The following PIEZO2 variants were observed in gnomAD, a reference collection of about 807,000 sequenced individuals.
PIEZO2 encodes piezo-type mechanosensitive ion channel component 2.
In PIEZO2, 172 loss-of-function variants were observed where a neutral mutation model predicts 337.3. That is an observed-to-expected ratio of 0.51 (90% CI 0.45 to 0.58). The LOEUF (loss-of-function observed/expected upper bound fraction) is 0.58, where lower values mean the gene tolerates loss of function less well. Ranked by LOEUF, PIEZO2 falls within the 20% of genes least tolerant of loss-of-function variation. The pLI is 0.00. For synonymous variants in PIEZO2, 1,251 were observed against 1,228.5 expected (o/e 1.02, Z -0.38); for missense variants, 3,028 against 3,391.3 (o/e 0.89, Z 2.66).
chr18:10,958,394 G>A (rs1221810548), intron 3 of PIEZO2, among the ~76,000 whole-genome samples: 1 of 152,166 alleles, frequency 6.6e-6, no homozygotes, highest in East Asian at 1.9e-4. Flanking sequence ...AAGTTGAGGA[G>A]AGGGACTTCA....
At chr18:10,841,818 A>G (rs548050154) in intron 7 of PIEZO2, among the ~76,000 whole-genome samples, 1 of 152,286 alleles carries the variant, frequency 6.6e-6, no homozygotes, top group East Asian at 1.9e-4. Context: ...TTGTAACTCC[A>G]CTTATTTTTT....
intron 7 of PIEZO2, among the ~76,000 whole-genome samples, chr18:10,844,386 C>CT (rs2041285630): frequency 6.8e-6 from 1 of 146,592 alleles, no homozygotes; most frequent in Non-Finnish European, 1.5e-5. Flanking sequence ...CACCACTGTG[C>CT]TCCAGCCTGG....
chr18:10,700,450 T>C (rs1313815618), intron 43 of PIEZO2, among the ~76,000 whole-genome samples: 5 of 151,890 alleles, frequency 3.3e-5, no homozygotes, highest in Non-Finnish European at 7.4e-5. Flanking sequence ...TGCCATTACC[T>C]CAAATCTCAT....
intron 7 of PIEZO2, among the ~76,000 whole-genome samples, chr18:10,832,119 G>A (rs1045005868): frequency 2.6e-5 from 4 of 152,132 alleles, no homozygotes; most frequent in African/African-American, 9.7e-5. Flanking sequence ...CCAACATGGT[G>A]AAACACTGCC....
At chr18:10,683,125 C>T (rs1015221916) in intron 49 of PIEZO2, among the ~76,000 whole-genome samples, 1 of 152,270 alleles carries the variant, frequency 6.6e-6, no homozygotes, top group East Asian at 1.9e-4. Flanking sequence ...ACATGCAGAA[C>T]ATGGGGTCAA....
chr18:10,679,448 T>A (rs1255572729), intron 52 of PIEZO2, among the ~76,000 whole-genome samples: 1 of 152,244 alleles, frequency 6.6e-6, no homozygotes, highest in Non-Finnish European at 1.5e-5. Context: ...ATTTCAGTTT[T>A]TAAGGAGCAG....
At chr18:11,140,970 C>A (rs530778016) in intron 1 of PIEZO2, among the ~76,000 whole-genome samples, 1 of 152,166 alleles carries the variant, frequency 6.6e-6, no homozygotes, top group Non-Finnish European at 1.5e-5. Flanking sequence ...TGGTAACAGG[C>A]TGTCTTGACC....
chr18:10,764,667 G>C (rs1568032711), intron 21 of PIEZO2, among the ~76,000 whole-genome samples: 2 of 152,024 alleles, frequency 1.3e-5, no homozygotes, highest in South Asian at 4.1e-4. Flanking sequence ...TCTGCTATTT[G>C]TTACCTGTTA....
chr18:11,137,910 A>G (rs2040537344), intron 1 of PIEZO2, among the ~76,000 whole-genome samples: 1 of 152,204 alleles, frequency 6.6e-6, no homozygotes, highest in African/African-American at 2.4e-5. Flanking sequence ...CATTTCAAGG[A>G]TGTGACTTAA....
In PIEZO2 at chr18:11,002,174, T is replaced by C. The variant is rs1198401713; in HGVS notation, c.161-22514A>G. Among the ~76,000 whole-genome samples the C allele has an allele frequency of 6.6e-6, 1 of 152,204 alleles. No individual in the cohort carries two copies. Among genetic ancestry groups the C allele is most frequent in the Admixed American group, 6.5e-5 (1 of 15,282 alleles). On this transcript the variant is annotated intron_variant, in intron 2 of 55. Coordinates refer to ENST00000674853, the MANE Select transcript of PIEZO2 (RefSeq NM_001378183.1). This position sits in a 1 kb window ranked among gnomAD's most constrained non-coding sequence, Gnocchi z 4.3. ...TAGTTATGGACACTAACATTTGAATTTCAGATAACTTTCATGCGCCACAAA... is the reference window on the plus strand; with the variant it reads ...TAGTTATGGACACTAACATTTGAATCTCAGATAACTTTCATGCGCCACAAA...
In PIEZO2 at chr18:10,979,753, T is replaced by C. The variant is rs2034594181; in HGVS notation, c.161-93A>G. 8.7e-7 allele frequency: 1 copy of C among 1,144,822 alleles called. No homozygotes were observed. Among genetic ancestry groups the C allele is most frequent in the Non-Finnish European group, 1.1e-6 (1 of 873,148 alleles). 70.9% of individuals were successfully genotyped at this position (1,144,822 alleles called of 1,614,324 possible). A position where few individuals can be genotyped will look rare whatever the true frequency, so the allele number is the denominator to read the frequency against. ...ACATATTTCTGTATAACCTATTAGA[T>C]AGACCGACTCAAAAGTATATGGAAT... On this transcript the variant is annotated intron_variant, in intron 2 of 55. Transcript: ENST00000674853. The surrounding 1 kb of genome is among the most constrained non-coding windows in gnomAD (Gnocchi z 4.0).
intron 5 of PIEZO2, among the ~76,000 whole-genome samples, chr18:10,860,469 T>G (rs1409366364): frequency 1.3e-5 from 2 of 152,128 alleles, no homozygotes; most frequent in African/African-American, 4.8e-5. Flanking sequence ...CCATTCAGCT[T>G]ACTCCATCTC....
Position 10,759,921 on chromosome 18 carries a change from T to G in PIEZO2, c.3451-12A>C, listed in dbSNP as rs74713399. ...ATTAGGAAACAGGTCTGTGTAAAGATGAAAAGAGGCAAAAAAAAAAAATCA... is the reference window on the plus strand; with the variant it reads ...ATTAGGAAACAGGTCTGTGTAAAGAGGAAAAGAGGCAAAAAAAAAAAATCA... On this transcript the variant is annotated splice_polypyrimidine_tract_variant and intron_variant, in intron 24 of 55. Transcript: ENST00000674853. This position sits in a 1 kb window ranked among gnomAD's most constrained non-coding sequence, Gnocchi z 5.5. The G allele has an allele frequency of 2.3e-3, 3,451 of 1,530,380 alleles. 63 individuals carry two copies. In the African/African-American group the frequency reaches 0.036, roughly 16 times the overall value. The allele number at this position is 1,530,380 out of a possible 1,614,324, so 94.8% of individuals were successfully genotyped here. A position where few individuals can be genotyped will look rare whatever the true frequency, so the allele number is the denominator to read the frequency against.
chr18:10,831,138 A>T (rs974623794), intron 7 of PIEZO2, among the ~76,000 whole-genome samples: 1 of 152,220 alleles, frequency 6.6e-6, no homozygotes, highest in African/African-American at 2.4e-5. Context: ...AAAACTAAAA[A>T]TAGAGCTACC....
rs1292601805 is a variant in PIEZO2, at chr18:10,716,588, T to C, written c.5090-772A>G. ...GAAGAGAACGGCCGCTGCTTGAAGCTGAATGAAGTGAGTCGCTGTGGCCGC... is the reference window on the plus strand; with the variant it reads ...GAAGAGAACGGCCGCTGCTTGAAGCCGAATGAAGTGAGTCGCTGTGGCCGC... On this transcript the variant is annotated intron_variant, in intron 37 of 55. Transcript: ENST00000674853. The surrounding 1 kb of genome is among the most constrained non-coding windows in gnomAD (Gnocchi z 4.1). Among the ~76,000 whole-genome samples the C allele has an allele frequency of 6.6e-6, 1 of 152,180 alleles. No individual in the cohort carries two copies. The highest frequency in any genetic ancestry group is 1.5e-5 in the Non-Finnish European group (1 of 68,034).
At chr18:11,093,518 A>G (rs2039161317) in intron 1 of PIEZO2, among the ~76,000 whole-genome samples, 1 of 151,588 alleles carries the variant, frequency 6.6e-6, no homozygotes, top group African/African-American at 2.4e-5. Flanking sequence ...TTCCTTTACA[A>G]ATTTTGACGT....
chr18:10,842,222 G>A (rs1348591407), intron 7 of PIEZO2, among the ~76,000 whole-genome samples: 1 of 150,148 alleles, frequency 6.7e-6, no homozygotes, highest in Non-Finnish European at 1.5e-5. Flanking sequence ...TACTTTTAAT[G>A]GCATAAAACA....
rs1368023375 is a variant in PIEZO2, at chr18:10,967,011, G to GTTTTTTTTT, written c.286+12523_286+12524insAAAAAAAAA. ...TGTGTATATATACCACATTTTCTCT[G>GTTTTTTTTT]TTTTTTGTTTTTTTTTTTTTTTTTG... On this transcript the variant is annotated intron_variant, in intron 3 of 55. Coordinates refer to ENST00000674853, the MANE Select transcript of PIEZO2 (RefSeq NM_001378183.1). 1.3e-4 allele frequency among the ~76,000 whole-genome samples: 14 copies of GTTTTTTTTT among 109,388 alleles called. 2 individuals are homozygous for GTTTTTTTTT. Among genetic ancestry groups the GTTTTTTTTT allele is most frequent in the African/African-American group, 1.8e-4 (5 of 27,678 alleles). The allele number at this position is 109,388 out of a possible 152,430, so 71.8% of individuals were successfully genotyped here. A position where few individuals can be genotyped will look rare whatever the true frequency, so the allele number is the denominator to read the frequency against.
intron 3 of PIEZO2, among the ~76,000 whole-genome samples, chr18:10,955,191 A>G (rs2033464688): frequency 6.6e-6 from 1 of 152,342 alleles, no homozygotes; most frequent in African/African-American, 2.4e-5. Flanking sequence ...TTAAACAGAA[A>G]GAGTTTCTAA....
Sources: gnomAD v4.1 joint callset for allele counts (sites outside exome capture counted in the v4.1 genomes callset) on GRCh38, gnomAD v4.1.1 for gene constraint, Gnocchi (gnomAD v3.1) non-coding constraint, MANE v1.5 for transcripts, NCBI Gene and HGNC (gene_info 2026-07-23, HGNC 2026-07-21) for gene names.